SMC5: variants seen among roughly 807,000 people sequenced by gnomAD.
SMC5 encodes the protein structural maintenance of chromosomes protein 5.
In SMC5, 88 loss-of-function variants were observed where a neutral mutation model predicts 148.3. The observed-to-expected ratio is 0.59, with a 90% CI of 0.50 to 0.71. SMC5 has a LOEUF of 0.71. SMC5 is among the 30% of genes least tolerant of loss of function. The pLI, the probability that SMC5 is intolerant of heterozygous loss-of-function variation, is 0.00. For synonymous variants in SMC5, 421 were observed against 432.8 expected (o/e 0.97, Z 0.34); for missense variants, 1,142 against 1,298.9 (o/e 0.88, Z 1.86).
rs571279853 is a variant in SMC5 at position 70,309,295 on chromosome 9, A to AGCAGAATT, written c.1578+3936_1578+3943dup. Among the ~76,000 whole-genome samples the AGCAGAATT allele has an allele frequency of 2.6e-3, 344 of 130,278 alleles. 3 individuals are homozygous for AGCAGAATT. The highest frequency in any genetic ancestry group is 9.1e-3 in the African/African-American group (331 of 36,366). 85.5% of individuals were successfully genotyped at this position (130,278 alleles called of 152,430 possible). On this transcript the variant is annotated intron_variant, in intron 11 of 24. Transcript: ENST00000361138. The stretch of plus-strand genomic sequence containing the variant: ...TAGCATATGATAGCATTTTACCCAT[A>AGCAGAATT]GCAGAATTTCTTTTTCCTTTTCCTT...
chr9:70,298,180 A>G lies in SMC5; in HGVS notation c.1268A>G (p.Asp423Gly). ...EKALCEGEII[D>G]KRRERETLEK... The stretch of plus-strand genomic sequence containing the variant: ...GCATTATGTGAAGGCGAAATAATTG[A>G]TAAGCGAAGAGAGAGGGAAACTCTA... Residue 423 changes from aspartate (D) to glycine (G), a missense_variant, in exon 9 of 25, where the codon GAT (aspartate) becomes GGT (glycine). Asp to Gly is a moderately conservative substitution (Grantham distance 94). Transcript: ENST00000361138. 1 of 1,613,950 alleles carries G rather than the reference A, an allele frequency of 6.2e-7. No homozygotes were observed. Among genetic ancestry groups the G allele is most frequent in the Middle Eastern group, 1.7e-4 (1 of 6,060 alleles).
Position 70,347,942 on chromosome 9 carries a change from T to G in SMC5, c.2793T>G (p.Pro931=). 1 of 1,601,610 alleles carries G rather than the reference T, an allele frequency of 6.2e-7. No homozygotes were observed. Among genetic ancestry groups the G allele is most frequent in the Non-Finnish European group, 8.5e-7 (1 of 1,173,872 alleles). Reference sequence around the variant, plus strand: ...AGGTAAAAGAAAGGTGGCTTAATCCTTTAAAAGAGCTGGTAGAAAAAATTA... The same window carrying G: ...AGGTAAAAGAAAGGTGGCTTAATCCGTTAAAAGAGCTGGTAGAAAAAATTA... ...ISQVKERWLN[P]LKELVEKINE... Residue 931 remains proline (P), a synonymous_variant, in exon 22 of 25, where the codon CCT becomes CCG. Transcript: ENST00000361138.
intron 8 of SMC5, among the ~76,000 whole-genome samples, chr9:70,288,991 C>T (rs76254985): frequency 0.034 from 5,215 of 152,156 alleles, 125 homozygotes; most frequent in Non-Finnish European, 0.054. Context: ...TATGTATACT[C>T]GTATGTTCTA....
chr9:70,265,326 G>C (rs2034260863), intron 2 of SMC5, among the ~76,000 whole-genome samples: 1 of 152,158 alleles, frequency 6.6e-6, no homozygotes, highest in Non-Finnish European at 1.5e-5. Flanking sequence ...AGGCATGGTG[G>C]CGGGTGCCTG....
intron 15 of SMC5, among the ~76,000 whole-genome samples, chr9:70,322,786 G>A (rs2035981680): frequency 6.6e-6 from 1 of 152,164 alleles, no homozygotes; most frequent in Non-Finnish European, 1.5e-5. Context: ...AGTGAGCTGA[G>A]ATTGTGCTGC....
rs2034336723 is a variant in SMC5, at chr9:70,267,908, T to C, written c.328-15T>C. ...ATGTCACTACACAGCTCACTTTTTC[T>C]TTTTTATGTCTTAGGTTGGGTTTTT... On this transcript the variant is annotated splice_polypyrimidine_tract_variant and intron_variant, in intron 2 of 24. Coordinates refer to ENST00000361138, the MANE Select transcript of SMC5 (RefSeq NM_015110.4). 1 of 1,605,982 alleles carries C rather than the reference T, an allele frequency of 6.2e-7. No individual in the cohort carries two copies. Among genetic ancestry groups the C allele is most frequent in the African/African-American group, 1.3e-5 (1 of 74,454 alleles).
At chr9:70,301,573 ATTTC>A (rs2035358694) in intron 10 of SMC5, among the ~76,000 whole-genome samples, 1 of 152,168 alleles carries the variant, frequency 6.6e-6, no homozygotes, top group Non-Finnish European at 1.5e-5. Context: ...TTAGTAGTCT[ATTTC>A]TATGATTTAT....
chr9:70,276,912 G>A (rs17052443), intron 3 of SMC5, among the ~76,000 whole-genome samples: 10,398 of 152,090 alleles, frequency 0.068, 574 homozygotes, highest in East Asian at 0.22. Flanking sequence ...TGAGCAGGGG[G>A]AGTTTCAAGG....
intron 17 of SMC5, among the ~76,000 whole-genome samples, chr9:70,336,986 C>T (rs995964532): frequency 6.6e-6 from 1 of 152,086 alleles, no homozygotes; most frequent in Non-Finnish European, 1.5e-5. Context: ...TGAATGGTGG[C>T]AGGCAAAGAG....
chr9:70,348,553 C>T lies in SMC5; in HGVS notation c.2889+515C>T, dbSNP rs182241166. Among the ~76,000 whole-genome samples, 585 of 150,790 alleles carry T rather than the reference C, an allele frequency of 3.9e-3. 6 individuals are homozygous for T. The highest frequency in any genetic ancestry group is 4.1e-3 in the Non-Finnish European group (277 of 67,664). ...TAAAAATACAAAAATTAGCTGGGTG[C>T]GGTGGTATGTACCTGTGGTCCCAGC... On this transcript the variant is annotated intron_variant, in intron 22 of 24. Coordinates refer to ENST00000361138, the MANE Select transcript of SMC5 (RefSeq NM_015110.4).
At chr9:70,294,140 A>G (rs1049587256) in intron 8 of SMC5, among the ~76,000 whole-genome samples, 2 of 152,170 alleles carry the variant, frequency 1.3e-5, no homozygotes, top group African/African-American at 4.8e-5. Context: ...GGAGTACTCT[A>G]ATTATAACTT....
chr9:70,262,597 C>T (rs539921656), intron 1 of SMC5, among the ~76,000 whole-genome samples: 21 of 152,194 alleles, frequency 1.4e-4, no homozygotes, highest in Non-Finnish European at 2.8e-4. Context: ...TGGTGGATTT[C>T]GTTTTAAATG....
At chr9:70,349,119 C>T (rs548898435) in intron 22 of SMC5, among the ~76,000 whole-genome samples, 19 of 152,316 alleles carry the variant, frequency 1.2e-4, no homozygotes, top group Middle Eastern at 3.4e-3. Context: ...CAGGCTGGAG[C>T]GCAGTGGCGC....
intron 17 of SMC5, among the ~76,000 whole-genome samples, chr9:70,343,013 C>A (rs554475246): frequency 1.3e-5 from 2 of 152,266 alleles, no homozygotes; most frequent in South Asian, 4.1e-4. Context: ...ATACTCTGTC[C>A]AATCTGCTCC....
chr9:70,347,299 C>T (rs1348427296), intron 20 of SMC5, 138 bp downstream of exon 20: 2 of 613,370 alleles, frequency 3.3e-6, no homozygotes, highest in Non-Finnish European at 5.6e-6. Context: ...ATAAGCTAGA[C>T]AGCAGGAACA....
intron 8 of SMC5, 94 bp from the exon 9 acceptor site, chr9:70,297,872 A>T: frequency 7.2e-7 from 1 of 1,384,546 alleles, no homozygotes; most frequent in Non-Finnish European, 9.8e-7. Context: ...CACCTATGTT[A>T]GATTGTTTGC....
intron 11 of SMC5, among the ~76,000 whole-genome samples, chr9:70,305,629 A>C (rs564772478): frequency 1.3e-5 from 2 of 152,340 alleles, no homozygotes; most frequent in South Asian, 2.1e-4. Context: ...TAATTTTATC[A>C]TGTTTTAAGA....
intron 9 of SMC5, 51 bp downstream of exon 9, chr9:70,298,272 C>A: frequency 6.5e-7 from 1 of 1,536,020 alleles, no homozygotes. Context: ...AGATACATCT[C>A]TGTTGATGAA....
At chr9:70,328,005 C>T (rs899374496) in intron 17 of SMC5, among the ~76,000 whole-genome samples, 15 of 152,106 alleles carry the variant, frequency 9.9e-5, no homozygotes, top group African/African-American at 3.1e-4. Context: ...AAATGCTACA[C>T]GCTTTTAAAC....
Sources: allele counts gnomAD v4.1 joint callset (sites outside exome capture counted in the v4.1 genomes callset), GRCh38; gene constraint gnomAD v4.1.1; transcripts MANE v1.5; gene names NCBI Gene and HGNC (gene_info 2026-07-23, HGNC 2026-07-21).